Variants in FARP2 observed in about 807,000 individuals in gnomAD.
The protein encoded by FARP2 is FERM, ARHGEF and pleckstrin domain-containing protein 2.
In FARP2, 111 loss-of-function variants were observed where a neutral mutation model predicts 130.5. That is an observed-to-expected ratio of 0.85 (90% CI 0.73 to 1.00). FARP2 has a LOEUF of 1.00. Among genes scored for constraint, FARP2 ranks in the 50% least tolerant of loss-of-function variants. The pLI is 0.00. For synonymous variants in FARP2, 504 were observed against 516.9 expected (o/e 0.98, Z 0.34); for missense variants, 1,385 against 1,346.3 (o/e 1.03, Z -0.45).
intron 13 of FARP2, among the ~76,000 whole-genome samples, chr2:241,454,570 TAAG>T (rs901136493): frequency 3.9e-5 from 6 of 152,148 alleles, no homozygotes; most frequent in Non-Finnish European, 5.9e-5. Context: ...GTTTTCAACA[TAAG>T]AAGTAATCCA....
At chr2:241,423,303 A>G (rs2062856299) in intron 8 of FARP2, among the ~76,000 whole-genome samples, 1 of 152,234 alleles carries the variant, frequency 6.6e-6, no homozygotes, top group Non-Finnish European at 1.5e-5. Context: ...ATTGGGGGCC[A>G]ATATTCAACA....
At chr2:241,476,925 G>A (rs925418220) in intron 19 of FARP2, among the ~76,000 whole-genome samples, 1 of 152,012 alleles carries the variant, frequency 6.6e-6, no homozygotes. Flanking sequence ...TCTGTTCTGA[G>A]GTAACCCTGT....
chr2:241,489,717 G>C, intron 21 of FARP2: 1 of 397,524 alleles, frequency 2.5e-6, no homozygotes, highest in Non-Finnish European at 4.6e-6. Flanking sequence ...TCAGCTAATA[G>C]TGCTGGACCC....
At chr2:241,360,782 C>A (rs1325915349) in intron 1 of FARP2, among the ~76,000 whole-genome samples, 1 of 151,800 alleles carries the variant, frequency 6.6e-6, no homozygotes, top group Non-Finnish European at 1.5e-5. Context: ...TGTTAATTAT[C>A]TAACACACCT....
intron 7 of FARP2, among the ~76,000 whole-genome samples, chr2:241,415,554 G>T (rs929164789): frequency 6.6e-6 from 1 of 152,160 alleles, no homozygotes; most frequent in African/African-American, 2.4e-5. Flanking sequence ...TTGTCAGCAC[G>T]TAGGCTGGGC....
chr2:241,435,144 A>G (rs1429060415), intron 11 of FARP2, 114 bp downstream of exon 11: 4 of 590,868 alleles, frequency 6.8e-6, no homozygotes, highest in African/African-American at 2.0e-5. Flanking sequence ...CCTAAGCTGG[A>G]ATACAGTGGC....
intron 8 of FARP2, among the ~76,000 whole-genome samples, chr2:241,430,990 A>T (rs2063075533): frequency 6.7e-6 from 1 of 150,360 alleles, no homozygotes; most frequent in Non-Finnish European, 1.5e-5. Context: ...ATAGAGTGAG[A>T]CTCTGTCTCA....
intron 2 of FARP2, among the ~76,000 whole-genome samples, chr2:241,397,021 C>T (rs1281293140): frequency 6.6e-6 from 1 of 152,156 alleles, no homozygotes. Context: ...ATGATGAGTT[C>T]ATGTCCTTTG....
At chr2:241,356,781 A>T (rs2061078562) in intron 1 of FARP2, among the ~76,000 whole-genome samples, 1 of 152,222 alleles carries the variant, frequency 6.6e-6, no homozygotes, top group African/African-American at 2.4e-5. Context: ...GGAGTGTCCC[A>T]TCCCGGAAGG....
rs987500459 is a variant in FARP2 at position 241,417,887 on chromosome 2, C to T, written c.624-75C>T. The T allele has an allele frequency of 1.4e-5, 21 of 1,497,640 alleles. No individual in the cohort carries two copies. The African/African-American group carries it at 1.7e-4, about 12-fold the overall frequency. 92.8% of individuals were successfully genotyped at this position (1,497,640 alleles called of 1,614,324 possible). ...AGCCTTCATTGTTGGTTTTCCTGAT[C>T]GCTTCTATAATGCATTTTGGCTCTT... On this transcript the variant is annotated intron_variant, in intron 7 of 26. Transcript: ENST00000264042.
intron 24 of FARP2, 51 bp downstream of exon 24, chr2:241,491,730 C>T (rs1262749351): frequency 6.5e-7 from 1 of 1,529,992 alleles, no homozygotes. Context: ...TCCCAGCTGT[C>T]TCTGCACTTG....
chr2:241,448,187 C>T (rs1032357118), intron 13 of FARP2, among the ~76,000 whole-genome samples: 4 of 152,064 alleles, frequency 2.6e-5, no homozygotes, highest in African/African-American at 9.7e-5. Context: ...GCCTCACTTA[C>T]CCCCCCTACA....
intron 13 of FARP2, 36 bp from the exon 14 acceptor site, chr2:241,456,711 A>G: frequency 6.2e-7 from 1 of 1,611,310 alleles, no homozygotes; most frequent in Non-Finnish European, 8.5e-7. Context: ...GCCCTTTCTC[A>G]TTTCTCGCTC....
chr2:241,466,059 C>T (rs980425964), intron 17 of FARP2: 2 of 1,191,252 alleles, frequency 1.7e-6, no homozygotes, highest in South Asian at 2.4e-5. Flanking sequence ...CTTTAATGTT[C>T]ATTAAAACAA....
chr2:241,377,485 G>T (rs910984958), intron 2 of FARP2, among the ~76,000 whole-genome samples: 1 of 152,096 alleles, frequency 6.6e-6, no homozygotes, highest in Non-Finnish European at 1.5e-5. Flanking sequence ...GGGACTATAG[G>T]CGCCCGCCAC....
At chr2:241,452,729 T>C (rs1008656153) in intron 13 of FARP2, among the ~76,000 whole-genome samples, 1 of 151,688 alleles carries the variant, frequency 6.6e-6, no homozygotes, top group Non-Finnish European at 1.5e-5. Context: ...GCACCTGAAG[T>C]CATGAGTTCG....
At chr2:241,444,030 T>A (rs1357604750) in intron 13 of FARP2, 1 of 152,298 alleles carries the variant, frequency 6.6e-6, no homozygotes, top group East Asian at 1.9e-4. Context: ...GTTTTGTGGC[T>A]AACCACATCA....
At chr2:241,439,884 G>A (rs1009584843) in intron 12 of FARP2, among the ~76,000 whole-genome samples, 1 of 152,086 alleles carries the variant, frequency 6.6e-6, no homozygotes, top group Admixed American at 6.5e-5. Flanking sequence ...CTTGAACCTG[G>A]GAGGTGGAGG....
chr2:241,409,206 T>C (rs2062451021), intron 5 of FARP2, among the ~76,000 whole-genome samples: 1 of 152,172 alleles, frequency 6.6e-6, no homozygotes, highest in African/African-American at 2.4e-5. Context: ...AGGATTCTTT[T>C]TTCTGTTTAT....
Sources: gnomAD v4.1 joint callset for allele counts (sites outside exome capture counted in the v4.1 genomes callset) on GRCh38, gnomAD v4.1.1 for gene constraint, MANE v1.5 for transcripts, NCBI Gene and HGNC (gene_info 2026-07-23, HGNC 2026-07-21) for gene names.